The following TRAPPC13 variants were observed in gnomAD, a reference collection of about 807,000 sequenced individuals.
TRAPPC13 encodes the protein trafficking protein particle complex subunit 13, also known as REV7-interacting novel NHEJ regulator 1.
TRAPPC13 carries 39 observed loss-of-function variants against 54.0 expected under a neutral mutation model. That is an observed-to-expected ratio of 0.72 (90% CI 0.56 to 0.94). The LOEUF is 0.94. Ranked by LOEUF, TRAPPC13 falls within the 40% of genes least tolerant of loss-of-function variation. The probability of loss-of-function intolerance (pLI) is 0.00; values close to 1 mark genes in which losing one functional copy is unlikely to be tolerated. For missense variants in TRAPPC13, 386 were observed against 488.1 expected (o/e 0.79, Z 1.97); for synonymous variants, 148 against 167.7 (o/e 0.88, Z 0.91).
At chr5:65,645,635 T>C (rs995932974) in intron 4 of TRAPPC13, among the ~76,000 whole-genome samples, 1 of 151,912 alleles carries the variant, frequency 6.6e-6, no homozygotes, top group Non-Finnish European at 1.5e-5. Context: ...AAACCCCGTC[T>C]CTACTAAAAA....
chr5:65,630,321 G>A, intron 1 of TRAPPC13: 1 of 1,518,590 alleles, frequency 6.6e-7, no homozygotes, highest in Non-Finnish European at 8.8e-7. Flanking sequence ...CATAAATATG[G>A]TGTTATTTTT....
intron 9 of TRAPPC13, 140 bp downstream of exon 9, chr5:65,658,641 TAG>T (rs1161194627): frequency 5.0e-6 from 3 of 601,816 alleles, no homozygotes; most frequent in African/African-American, 3.8e-5. Context: ...CATCAGAAAG[TAG>T]AGTTTCCACA....
chr5:65,645,843 C>T (rs771902953), intron 4 of TRAPPC13, among the ~76,000 whole-genome samples: 1 of 152,020 alleles, frequency 6.6e-6, no homozygotes, highest in Non-Finnish European at 1.5e-5. Flanking sequence ...ATAAAAGAAA[C>T]AAAAACTTAA....
chr5:65,630,350 C>T, intron 1 of TRAPPC13: 1 of 1,475,098 alleles, frequency 6.8e-7, no homozygotes, highest in East Asian at 2.5e-5. Flanking sequence ...ATGAATTCCA[C>T]TGATTGTCAA....
intron 11 of TRAPPC13, chr5:65,663,142 G>GT (rs576273626): frequency 5.3e-4 from 79 of 148,514 alleles, no homozygotes; most frequent in African/African-American, 1.1e-3. Flanking sequence ...GGAATTTTTG[G>GT]TTTTTTTTTT....
chr5:65,627,533 G>C (rs1755301203), intron 1 of TRAPPC13, among the ~76,000 whole-genome samples: 1 of 151,922 alleles, frequency 6.6e-6, no homozygotes, highest in Non-Finnish European at 1.5e-5. Flanking sequence ...AGGAGGCTGA[G>C]GCACAAGAAT....
At position 65,649,783 on chromosome 5, in the gene TRAPPC13, G is replaced by C. The variant is rs568029534; in HGVS notation, c.429-1027G>C. The stretch of plus-strand genomic sequence containing the variant: ...TTGTTTCTGCTTTGTAATTGTTTTA[G>C]TGTTTTTGATTCAACTTAAAATTTT... On this transcript the variant is annotated intron_variant, in intron 5 of 12. Transcript: ENST00000399438. Among the ~76,000 whole-genome samples the C allele has an allele frequency of 3.3e-5, 5 of 151,252 alleles. No individual in the cohort carries two copies. The South Asian group carries it at 1.0e-3, about 32-fold the overall frequency.
Position 65,625,332 on chromosome 5 carries a change from G to C in TRAPPC13, c.46+226G>C. 1.5e-5 allele frequency: 7 copies of C among 459,394 alleles called. No individual in the cohort carries two copies. The South Asian group carries it at 2.8e-4, about 18-fold the overall frequency. 28.5% of individuals were successfully genotyped at this position (459,394 alleles called of 1,614,324 possible). A position where few individuals can be genotyped will look rare whatever the true frequency, so the allele number is the denominator to read the frequency against. On this transcript the variant is annotated intron_variant, in intron 1 of 12. Transcript: ENST00000399438. ...CCTGGTAAATCGTTCTTTCTGATCT[G>C]TGCTGCTTCAGTCACGAGATTTTAG...
At chr5:65,631,752 A>G (rs1755551767) in intron 1 of TRAPPC13, among the ~76,000 whole-genome samples, 1 of 152,142 alleles carries the variant, frequency 6.6e-6, no homozygotes, top group Admixed American at 6.5e-5. Flanking sequence ...GGATCACTTT[A>G]TTTTTAATGG....
intron 9 of TRAPPC13, among the ~76,000 whole-genome samples, chr5:65,659,335 G>A (rs1171379984): frequency 6.6e-6 from 1 of 152,128 alleles, no homozygotes; most frequent in Non-Finnish European, 1.5e-5. Flanking sequence ...AAACTCTCCT[G>A]TGCTCCATCT....
chr5:65,636,474 A>G (rs946164321), intron 3 of TRAPPC13, among the ~76,000 whole-genome samples: 1 of 152,080 alleles, frequency 6.6e-6, no homozygotes. Context: ...AATATTATTA[A>G]AAAATCATAC....
rs1304269679 is a variant in TRAPPC13, at chr5:65,665,542, A to C, written c.*931A>C. On this transcript the variant is annotated 3_prime_UTR_variant, in exon 13 of 13. Coordinates refer to ENST00000399438, the MANE Select transcript of TRAPPC13 (RefSeq NM_024941.4). ...ACTTTTTAGGTTGTTGATTTTTTTT[A>C]ATTAACTATTAACTAAGAATAATAC... 6 of 152,144 alleles carry C rather than the reference A, an allele frequency of 3.9e-5. No individual in the cohort carries two copies. Among genetic ancestry groups the C allele is most frequent in the Non-Finnish European group, 5.9e-5 (4 of 68,022 alleles). The allele number at this position is 152,144 out of a possible 1,614,324, so 9.4% of individuals were successfully genotyped here.
In TRAPPC13 at chr5:65,625,124, T is replaced by C; in HGVS notation, c.46+18T>C. ...GCTAAAAGGTAAACTTTTGCGAACC[T>C]GATTCCCCCTTTTCTGTTTCCTTGC... is the stretch of plus-strand genomic sequence containing the variant. On this transcript the variant is annotated intron_variant, in intron 1 of 12. Transcript: ENST00000399438. 1 of 1,606,836 alleles carries C rather than the reference T, an allele frequency of 6.2e-7. No individual in the cohort carries two copies. The highest frequency in any genetic ancestry group is 8.5e-7 in the Non-Finnish European group (1 of 1,173,368).
In TRAPPC13 at chr5:65,636,010, T is replaced by G; in HGVS notation, c.182T>G (p.Leu61Trp). The change falls in exon 3 of 13, where the codon TTG becomes TGG. Residue 61 changes from leucine (L) to tryptophan (W), a missense_variant. Coordinates refer to ENST00000399438, the MANE Select transcript of TRAPPC13 (RefSeq NM_024941.4). ...STVNGAEVLMLGEMLTLPQNF... is the reference protein window; with the variant it reads ...STVNGAEVLMWGEMLTLPQNF... ...GTTAATGGTGCAGAAGTTTTAATGTTGGGAGAAATGCTGACTTTACCACAG... is the reference window on the plus strand; with the variant it reads ...GTTAATGGTGCAGAAGTTTTAATGTGGGGAGAAATGCTGACTTTACCACAG... 1 of 1,600,098 alleles carries G rather than the reference T, an allele frequency of 6.2e-7. No individual in the cohort carries two copies. The highest frequency in any genetic ancestry group is 8.5e-7 in the Non-Finnish European group (1 of 1,172,550).
At position 65,664,342 on chromosome 5, in the gene TRAPPC13, C is replaced by T. The variant is rs772443265; in HGVS notation, c.1104C>T (p.Leu368=). The T allele has an allele frequency of 1.2e-6, 2 of 1,613,844 alleles. No homozygotes were observed. The highest frequency in any genetic ancestry group is 2.2e-5 in the East Asian group (1 of 44,888). ...QLGKLHPSSS[L]CLALTLLSSV... ...GAAAGCTGCATCCAAGTTCTTCGCT[C>T]TGTCTTGCCCTTACTCTGCTTTCTT... Residue 368 remains leucine, a synonymous_variant, in exon 12 of 13, where the codon CTC becomes CTT. Coordinates refer to ENST00000399438, the MANE Select transcript of TRAPPC13 (RefSeq NM_024941.4).
chr5:65,661,935 G>T, intron 10 of TRAPPC13, 115 bp from the exon 11 acceptor site: 1 of 607,070 alleles, frequency 1.6e-6, no homozygotes, highest in South Asian at 2.7e-5. Context: ...TATTTTCTTA[G>T]AACATCAGCT....
chr5:65,661,140 A>G (rs1161900537), intron 10 of TRAPPC13: 4 of 315,060 alleles, frequency 1.3e-5, no homozygotes, highest in Non-Finnish European at 2.2e-5. Context: ...CACAGAAATT[A>G]AAATAACTGT....
chr5:65,646,870 T>C lies in TRAPPC13; in HGVS notation c.301-185T>C, dbSNP rs188441548. On this transcript the variant is annotated intron_variant, in intron 4 of 12. Transcript: ENST00000399438. ...ATTTATTTTTTTGGGGTTGGGGGGG[T>C]GTGCCATTGCCATGGTTCTAAGCAT... is the stretch of plus-strand genomic sequence containing the variant. Among the ~76,000 whole-genome samples the C allele has an allele frequency of 5.3e-5, 8 of 151,826 alleles. No individual in the cohort carries two copies. The East Asian group carries it at 1.6e-3, about 29-fold the overall frequency.
At chr5:65,661,333 GTTATC>G (rs919956359) in intron 10 of TRAPPC13, 4 of 153,006 alleles carry the variant, frequency 2.6e-5, no homozygotes, top group East Asian at 1.9e-4. Flanking sequence ...TTCTACTAAA[GTTATC>G]TTATAAGCAT....
Sources: gnomAD v4.1 joint callset for allele counts (sites outside exome capture counted in the v4.1 genomes callset) on GRCh38, gnomAD v4.1.1 for gene constraint, MANE v1.5 for transcripts, NCBI Gene and HGNC (gene_info 2026-07-23, HGNC 2026-07-21) for gene names.